Variants in SLC17A1 observed in about 807,000 individuals in gnomAD.
SLC17A1 encodes solute carrier family 17 member 1.
A neutral mutation model predicts 53.5 loss-of-function variants in SLC17A1; 51 were observed. The ratio of observed to expected loss-of-function variants is 0.95; its 90% CI spans 0.76 to 1.20. The LOEUF (loss-of-function observed/expected upper bound fraction) is 1.20. Among genes scored for constraint, SLC17A1 ranks in the 50% most tolerant of loss-of-function variants. The pLI, the probability that SLC17A1 is intolerant of heterozygous loss-of-function variation, is 0.00. For synonymous variants in SLC17A1, 179 were observed against 198.8 expected, an observed-to-expected ratio of 0.90 and a Z score of 0.84; for missense variants, 538 against 568.2, an observed-to-expected ratio of 0.95 and a Z score of 0.54.
the SLC17A1 span, among the ~76,000 whole-genome samples, chr6:25,767,892 G>T: frequency 2.0e-5 from 3 of 152,122 alleles, no homozygotes; most frequent in African/African-American, 7.2e-5. Context: ...GGGAAAAGCT[G>T]ATGAATATGA....
intron 2 of SLC17A1, among the ~76,000 whole-genome samples, chr6:25,827,967 T>C (rs866748507): frequency 3.6e-4 from 55 of 152,088 alleles, no homozygotes; most frequent in African/African-American, 1.3e-3. Flanking sequence ...CAAAATCTCA[T>C]AGCACAAAGT....
chr6:25,727,386 T>C, the SLC17A1 span: 5 of 1,164,558 alleles, frequency 4.3e-6, no homozygotes, highest in South Asian at 1.7e-5. Flanking sequence ...TTGTGTAGTT[T>C]CTAACCGTAA....
chr6:25,811,472 G>C lies in SLC17A1; in HGVS notation c.1104C>G (p.Phe368Leu), dbSNP rs771314911. Residue 368 changes from phenylalanine (F) to leucine (L), a missense_variant, in exon 10 of 13, where the codon TTC becomes TTG. By Grantham distance (22) the Phe-to-Leu change is conservative. Transcript: ENST00000244527. ...TGCCTGTTGCACCAGCAAGTATTAG[G>C]AAAATGACAATGCTGTAGAAGGTGG... ...LSSTFYSIVI[F>L]LILAGATGSF... The C allele has an allele frequency of 1.2e-6, 2 of 1,613,958 alleles. No individual in the cohort carries two copies. Among genetic ancestry groups the C allele is most frequent in the African/African-American group, 2.7e-5 (2 of 75,004 alleles).
chr6:25,819,922 GACAAGGGGGGA>G lies in SLC17A1; in HGVS notation c.208-18_208-8del, dbSNP rs778019302. On this transcript the variant is annotated splice_region_variant and splice_polypyrimidine_tract_variant and intron_variant, in intron 3 of 12. Transcript: ENST00000244527. ...TCCAATTATACATAGGGTTCTAAAA[GACAAGGGGGGA>G]CATGTCGAATCACTCTGCATATCAG... The G allele has an allele frequency of 6.5e-7, 1 of 1,545,148 alleles. No homozygotes were observed. The highest frequency in any genetic ancestry group is 8.9e-7 in the Non-Finnish European group (1 of 1,127,654).
At chr6:25,752,727 C>A in the SLC17A1 span, among the ~76,000 whole-genome samples, 1 of 152,016 alleles carries the variant, frequency 6.6e-6, no homozygotes, top group Non-Finnish European at 1.5e-5. Flanking sequence ...CTGAGGTGGG[C>A]GGATCACAAG....
chr6:25,733,269 G>C, the SLC17A1 span, among the ~76,000 whole-genome samples: 1 of 152,114 alleles, frequency 6.6e-6, no homozygotes, highest in African/African-American at 2.4e-5. Context: ...TGAAGATGGG[G>C]AATCATATTT....
At chr6:25,781,877 C>A (rs2151470523), downstream of SLC17A1, among the ~76,000 whole-genome samples, 2 of 152,254 alleles carry the variant, frequency 1.3e-5, no homozygotes, top group East Asian at 3.9e-4. Context: ...GACATCTAAA[C>A]CATAGCAGAA....
intron 10 of SLC17A1, among the ~76,000 whole-genome samples, chr6:25,801,436 A>G (rs531653314): frequency 6.6e-6 from 1 of 152,282 alleles, no homozygotes; most frequent in South Asian, 2.1e-4. Context: ...AAGCAACTAT[A>G]ATTGGCCAAT....
At chr6:25,792,294 C>T (rs527718678) in intron 12 of SLC17A1, among the ~76,000 whole-genome samples, 131 of 152,278 alleles carry the variant, frequency 8.6e-4, no homozygotes, top group African/African-American at 3.1e-3. Flanking sequence ...CACAACTAAA[C>T]GTGTTTCCAT....
At chr6:25,777,868 T>G in the SLC17A1 span, 131 of 1,428,090 alleles carry the variant, frequency 9.2e-5, no homozygotes, top group Non-Finnish European at 1.2e-4. Context: ...TCCCGGGTAT[T>G]GAGACTTTCA....
chr6:25,783,653 C>T (rs190603189), intron 12 of SLC17A1, among the ~76,000 whole-genome samples: 77 of 152,270 alleles, frequency 5.1e-4, no homozygotes, highest in Middle Eastern at 3.4e-3. Context: ...CTGCCACTCT[C>T]CCTAATAAGA....
At chr6:25,769,014 C>T in the SLC17A1 span, 3 of 1,614,058 alleles carry the variant, frequency 1.9e-6, no homozygotes, top group East Asian at 4.5e-5. Context: ...TGGGCTGGCC[C>T]TCATCTTGCA....
At chr6:25,732,578 A>C in the SLC17A1 span, 1 of 800,766 alleles carries the variant, frequency 1.2e-6, no homozygotes, top group Non-Finnish European at 2.0e-6. Context: ...GCTGCACGCT[A>C]GCGTACCTGC....
chr6:25,763,645 TG>T, the SLC17A1 span, among the ~76,000 whole-genome samples: 1,851 of 152,256 alleles, frequency 0.012, 34 homozygotes, highest in African/African-American at 0.041. Flanking sequence ...CCATGGGATG[TG>T]GAGAAATGCC....
the SLC17A1 span, chr6:25,769,128 G>C: frequency 6.2e-7 from 1 of 1,614,038 alleles, no homozygotes. Flanking sequence ...TGCTTCCACA[G>C]AACGGCCCTC....
At chr6:25,811,343 T>C in intron 10 of SLC17A1, 55 bp downstream of exon 10, 1 of 1,514,682 alleles carries the variant, frequency 6.6e-7, no homozygotes, top group East Asian at 2.3e-5. Context: ...GCACAATAAA[T>C]ATATACAATA....
At chr6:25,799,610 C>T (rs1378237335) in intron 11 of SLC17A1, among the ~76,000 whole-genome samples, 26 of 152,178 alleles carry the variant, frequency 1.7e-4, no homozygotes. Flanking sequence ...TTCAAATGCT[C>T]AGAAGAGTAT....
At chr6:25,732,310 G>A in the SLC17A1 span, among the ~76,000 whole-genome samples, 1 of 152,204 alleles carries the variant, frequency 6.6e-6, no homozygotes, top group East Asian at 1.9e-4. Context: ...GGCAATAGCA[G>A]TAAGGTTCTC....
chr6:25,819,697 A>T lies in SLC17A1; in HGVS notation c.426T>A (p.Val142=), dbSNP rs905059074. The T allele has an allele frequency of 6.2e-7, 1 of 1,614,146 alleles. No individual in the cohort carries two copies. Among genetic ancestry groups the T allele is most frequent in the Admixed American group, 1.7e-5 (1 of 60,016 alleles). The change falls in exon 4 of 13, where the codon GTT becomes GTA. Residue 142 remains valine, a synonymous_variant. Transcript: ENST00000244527. ...ATTTTAATACCTGGGCTGCTCCCTG[A>T]ACTGCTCGACATACAACGACCCAAG... is the stretch of plus-strand genomic sequence containing the variant. ...GVAWVVVCRA[V]QGAAQGIVAT...
Sources: allele counts gnomAD v4.1 joint callset (sites outside exome capture counted in the v4.1 genomes callset), GRCh38; gene constraint gnomAD v4.1.1; transcripts MANE v1.5; gene names NCBI Gene and HGNC (gene_info 2026-07-23, HGNC 2026-07-21).